The following LDLRAD4 variants were observed in gnomAD, a reference collection of about 807,000 sequenced individuals.
LDLRAD4 encodes the protein low-density lipoprotein receptor class A domain-containing protein 4.
In LDLRAD4, 5 loss-of-function variants were observed where a neutral mutation model predicts 17.0. That is an observed-to-expected ratio of 0.29 (90% CI 0.15 to 0.62). LDLRAD4 has a LOEUF of 0.62. LDLRAD4 is among the 20% of genes least tolerant of loss of function. The probability of loss-of-function intolerance (pLI) is 0.84; values close to 1 mark genes in which losing one functional copy is unlikely to be tolerated. For missense variants in LDLRAD4, 340 were observed against 424.7 expected (o/e 0.80, Z 1.75); for synonymous variants, 168 against 171.8 (o/e 0.98, Z 0.17).
chr18:13,648,109 G>A (rs1258119382), exon 6 of LDLRAD4: 1 of 152,198 alleles, frequency 6.6e-6, no homozygotes, highest in Non-Finnish European at 1.5e-5. Context: ...CTGCAGTTTT[G>A]GTGAAGCAGG....
chr18:13,405,377 A>T (rs1048297775), intron 2 of LDLRAD4, among the ~76,000 whole-genome samples: 1 of 152,088 alleles, frequency 6.6e-6, no homozygotes, highest in Non-Finnish European at 1.5e-5. Flanking sequence ...AGTATGTGTG[A>T]TCTTAAAATG....
intron 3 of LDLRAD4, among the ~76,000 whole-genome samples, chr18:13,553,935 T>C (rs1177023508): frequency 6.6e-6 from 1 of 152,236 alleles, no homozygotes; most frequent in East Asian, 1.9e-4. Context: ...AGTTAATTAG[T>C]GAGTGACCTC....
chr18:13,387,571 G>C (rs2085928009), exon 2 of LDLRAD4: 1 of 697,020 alleles, frequency 1.4e-6, no homozygotes, highest in South Asian at 1.6e-5. Context: ...CCGCGCGAGA[G>C]CCGGGCAGGT....
chr18:13,242,126 A>G (rs965929652), intron 1 of LDLRAD4: 1 of 152,260 alleles, frequency 6.6e-6, no homozygotes, highest in Non-Finnish European at 1.5e-5. Flanking sequence ...GGTTCTAGGA[A>G]AAAGAGAAAA....
chr18:13,245,700 G>C (rs886452194), intron 1 of LDLRAD4, among the ~76,000 whole-genome samples: 18 of 152,234 alleles, frequency 1.2e-4, no homozygotes, highest in Non-Finnish European at 2.6e-4. Flanking sequence ...CTTCAAGGGG[G>C]CAGAGGCAAT....
At chr18:13,594,141 T>G (rs1291708960) in intron 3 of LDLRAD4, among the ~76,000 whole-genome samples, 3 of 152,136 alleles carry the variant, frequency 2.0e-5, no homozygotes, top group Admixed American at 6.5e-5. Flanking sequence ...GTGGGGCTGG[T>G]GTCTCCAGAG....
intron 1 of LDLRAD4, among the ~76,000 whole-genome samples, chr18:13,371,127 G>GC (rs1164759715): frequency 6.6e-6 from 1 of 152,200 alleles, no homozygotes; most frequent in Non-Finnish European, 1.5e-5. Context: ...TGGGCAATGC[G>GC]CCCACCAATG....
intron 4 of LDLRAD4, chr18:13,641,736 CG>C (rs529484882): frequency 4.8e-4 from 477 of 984,724 alleles, no homozygotes; most frequent in Admixed American, 8.0e-4. Flanking sequence ...GCAAGGGGAG[CG>C]GGGCGCTGGG....
At chr18:13,505,693 C>T (rs1199378785) in intron 3 of LDLRAD4, among the ~76,000 whole-genome samples, 1 of 152,042 alleles carries the variant, frequency 6.6e-6, no homozygotes, top group Non-Finnish European at 1.5e-5. Flanking sequence ...TGGTGGGCAC[C>T]TGTAGTCGCA....
chr18:13,447,849 T>C (rs1412476753), intron 3 of LDLRAD4, among the ~76,000 whole-genome samples: 2 of 152,196 alleles, frequency 1.3e-5, no homozygotes, highest in Non-Finnish European at 2.9e-5. Context: ...CTAGACGCTC[T>C]CTGCCTGAGC....
At chr18:13,383,235 C>A (rs943280844) in intron 1 of LDLRAD4, among the ~76,000 whole-genome samples, 1 of 152,202 alleles carries the variant, frequency 6.6e-6, no homozygotes, top group Admixed American at 6.5e-5. Flanking sequence ...CTCATGTGTT[C>A]GCTCAGGAAA....
chr18:13,490,312 G>A (rs2093332921), intron 3 of LDLRAD4: 4 of 152,206 alleles, frequency 2.6e-5, no homozygotes, highest in Admixed American at 2.6e-4. Flanking sequence ...GATGCTCAAA[G>A]GAAATGTCCA....
chr18:13,453,402 A>G (rs756358068), intron 3 of LDLRAD4, among the ~76,000 whole-genome samples: 1 of 152,136 alleles, frequency 6.6e-6, no homozygotes, highest in Non-Finnish European at 1.5e-5. Flanking sequence ...TATCACAGGA[A>G]TGAGTTAAAA....
At chr18:13,522,567 A>C (rs1173772203) in intron 3 of LDLRAD4, 1 of 152,048 alleles carries the variant, frequency 6.6e-6, no homozygotes, top group Admixed American at 6.6e-5. Context: ...GCTGGGCTTC[A>C]TGTCCTGGAA....
intron 3 of LDLRAD4, among the ~76,000 whole-genome samples, chr18:13,541,872 G>A (rs1410147457): frequency 1.3e-5 from 2 of 152,188 alleles, no homozygotes; most frequent in African/African-American, 4.8e-5. Flanking sequence ...AGAAGTTCGA[G>A]ACCAGCCTGG....
chr18:13,582,353 G>A (rs2094873273), intron 3 of LDLRAD4, among the ~76,000 whole-genome samples: 1 of 152,226 alleles, frequency 6.6e-6, no homozygotes, highest in Non-Finnish European at 1.5e-5. Flanking sequence ...GGCATCCCAG[G>A]CCGCAGCATG....
At chr18:13,625,235 G>C (rs2041026162) in intron 4 of LDLRAD4, among the ~76,000 whole-genome samples, 1 of 152,280 alleles carries the variant, frequency 6.6e-6, no homozygotes, top group South Asian at 2.1e-4. Context: ...GAGAAGTGCT[G>C]GGCATTGAAT....
intron 1 of LDLRAD4, among the ~76,000 whole-genome samples, chr18:13,386,905 T>C (rs1341437621): frequency 2.2e-5 from 1 of 45,082 alleles, no homozygotes. Context: ...GATAGATAGA[T>C]AGATAGATAG....
chr18:13,430,287 C>T (rs189692388), intron 2 of LDLRAD4, among the ~76,000 whole-genome samples: 3 of 152,308 alleles, frequency 2.0e-5, no homozygotes, highest in East Asian at 3.9e-4. Flanking sequence ...CAGTGGGCGA[C>T]GTGGAGCTCC....
Sources: gnomAD v4.1 joint callset for allele counts (sites outside exome capture counted in the v4.1 genomes callset) on GRCh38, gnomAD v4.1.1 for gene constraint, MANE v1.5 for transcripts, NCBI Gene and HGNC (gene_info 2026-07-23, HGNC 2026-07-21) for gene names.